The following TAOK1 variants were observed in gnomAD, a reference collection of about 807,000 sequenced individuals.
TAOK1 encodes serine/threonine-protein kinase TAO1.
A neutral mutation model predicts 138.3 loss-of-function variants in TAOK1; 21 were observed. The observed-to-expected ratio is 0.15, with a 90% confidence interval of 0.11 to 0.22. TAOK1 has a LOEUF of 0.22. TAOK1 is among the 10% of genes least tolerant of loss of function. The pLI is 1.00. For missense variants in TAOK1, 651 were observed against 1,227.7 expected, an observed-to-expected ratio of 0.53 and a Z score of 7.02; for synonymous variants, 361 against 398.4, an observed-to-expected ratio of 0.91 and a Z score of 1.12.
At chr17:29,526,050 T>C (rs2032004053) in intron 17 of TAOK1, among the ~76,000 whole-genome samples, 1 of 151,970 alleles carries the variant, frequency 6.6e-6, no homozygotes, top group African/African-American at 2.4e-5. Context: ...TCCCAGTACT[T>C]TGGGAGGCTG....
Position 29,409,365 on chromosome 17 carries a change from C to T in TAOK1, c.-95+18341C>T, listed in dbSNP as rs546434883. ...TTTTTTTTTTTTTGAGATGGAGTCT[C>T]ACTCTGTTGCCCAGGCTGGAGTGCA... On this transcript the variant is annotated intron_variant, in intron 1 of 19. Transcript: ENST00000261716. 4.4e-3 allele frequency among the ~76,000 whole-genome samples: 549 copies of T among 124,794 alleles called. 8 individuals are homozygous for T. Among genetic ancestry groups the T allele is most frequent in the African/African-American group, 0.017 (529 of 31,938 alleles). 81.9% of individuals were successfully genotyped at this position (124,794 alleles called of 152,430 possible). A position where few individuals can be genotyped will look rare whatever the true frequency, so the allele number is the denominator to read the frequency against.
At chr17:29,523,101 C>G (rs997507687) in intron 17 of TAOK1, among the ~76,000 whole-genome samples, 1 of 149,242 alleles carries the variant, frequency 6.7e-6, no homozygotes, top group African/African-American at 2.5e-5. Context: ...AAAATGTACT[C>G]AAATGTCCAA....
chr17:29,441,082 G>A (rs1184908509), intron 1 of TAOK1, among the ~76,000 whole-genome samples: 1 of 152,116 alleles, frequency 6.6e-6, no homozygotes, highest in Non-Finnish European at 1.5e-5. Context: ...GCTGGATTCA[G>A]GTATTTTCGT....
At chr17:29,492,115 G>A (rs557849413) in intron 10 of TAOK1, among the ~76,000 whole-genome samples, 14 of 152,118 alleles carry the variant, frequency 9.2e-5, no homozygotes, top group African/African-American at 3.1e-4. Flanking sequence ...GAACTCCTGG[G>A]CTCAAGTGAT....
chr17:29,419,923 A>G (rs1444446977), intron 1 of TAOK1, among the ~76,000 whole-genome samples: 1 of 152,040 alleles, frequency 6.6e-6, no homozygotes. Context: ...TCTGTTGCCC[A>G]AGCTCGAGTG....
chr17:29,500,338 G>A (rs891745824), intron 12 of TAOK1, among the ~76,000 whole-genome samples: 10 of 151,730 alleles, frequency 6.6e-5, no homozygotes, highest in African/African-American at 1.5e-4. Context: ...ACAAAAAATA[G>A]GAATGCTTCC....
rs546645020 is a variant in TAOK1, at chr17:29,459,392, C to T, written c.132+7712C>T. ...CGCCTGCTGGGTTCAAGTGATTCTC[C>T]TATCTCAGCCTCCCGAGTAGCTGAG... On this transcript the variant is annotated intron_variant, in intron 2 of 19. Coordinates refer to ENST00000261716, the MANE Select transcript of TAOK1 (RefSeq NM_020791.4). 8.7e-4 allele frequency among the ~76,000 whole-genome samples: 133 copies of T among 152,254 alleles called. 1 individual carries two copies. Among genetic ancestry groups the T allele is most frequent in the Admixed American group, 2.3e-3 (35 of 15,290 alleles).
At position 29,458,604 on chromosome 17, in the gene TAOK1, C is replaced by T. The variant is rs536031342; in HGVS notation, c.132+6924C>T. Among the ~76,000 whole-genome samples, 7 of 152,324 alleles carry T rather than the reference C, an allele frequency of 4.6e-5. No individual in the cohort carries two copies. The South Asian group carries it at 1.5e-3, about 32-fold the overall frequency. ...CCTCTGCCTCTGGGTTCAAGTGATACTCGTGTCTCAGCCTCCCCAGTAGCT... is the reference window on the plus strand; with the variant it reads ...CCTCTGCCTCTGGGTTCAAGTGATATTCGTGTCTCAGCCTCCCCAGTAGCT... On this transcript the variant is annotated intron_variant, in intron 2 of 19. Transcript: ENST00000261716.
intron 1 of TAOK1, among the ~76,000 whole-genome samples, chr17:29,426,131 C>A (rs1905632126): frequency 6.6e-6 from 1 of 152,138 alleles, no homozygotes; most frequent in Non-Finnish European, 1.5e-5. Context: ...CCACCTGCCT[C>A]AGCCTCCCAA....
At chr17:29,438,076 G>T (rs1301051010) in intron 1 of TAOK1, among the ~76,000 whole-genome samples, 2 of 152,146 alleles carry the variant, frequency 1.3e-5, no homozygotes, top group African/African-American at 4.8e-5. Context: ...TGGTGGATCA[G>T]CAATGTCTTT....
At chr17:29,526,102 C>T (rs2032005081) in intron 17 of TAOK1, among the ~76,000 whole-genome samples, 1 of 151,492 alleles carries the variant, frequency 6.6e-6, no homozygotes, top group Non-Finnish European at 1.5e-5. Flanking sequence ...ATGGAAAAAC[C>T]CCATCTCTAC....
At chr17:29,531,353 A>G (rs868679362) in intron 18 of TAOK1, among the ~76,000 whole-genome samples, 2 of 151,726 alleles carry the variant, frequency 1.3e-5, no homozygotes, top group Non-Finnish European at 2.9e-5. Context: ...ATCTCAACTC[A>G]CTGCAACCTC....
intron 18 of TAOK1, among the ~76,000 whole-genome samples, chr17:29,532,053 G>C (rs1287246887): frequency 6.6e-6 from 1 of 151,922 alleles, no homozygotes; most frequent in Admixed American, 6.6e-5. Flanking sequence ...GTGGAGACGG[G>C]GTTTCACCGT....
intron 2 of TAOK1, among the ~76,000 whole-genome samples, chr17:29,463,892 A>T (rs879870001): frequency 2.6e-5 from 4 of 152,242 alleles, no homozygotes; most frequent in Non-Finnish European, 5.9e-5. Context: ...AATTTTAAAA[A>T]TAGGCAAAGG....
chr17:29,427,590 C>T (rs1456577750), intron 1 of TAOK1, among the ~76,000 whole-genome samples: 2 of 149,752 alleles, frequency 1.3e-5, no homozygotes, highest in Non-Finnish European at 3.0e-5. Flanking sequence ...AGTGATGTAT[C>T]TGTTAGGGTT....
intron 17 of TAOK1, among the ~76,000 whole-genome samples, chr17:29,523,050 G>A (rs544025385): frequency 8.6e-4 from 127 of 147,662 alleles, no homozygotes; most frequent in Non-Finnish European, 1.7e-3. Context: ...ACTCCAGCCC[G>A]GGTGACAGAG....
At chr17:29,400,595 C>A (rs765361483) in intron 1 of TAOK1, among the ~76,000 whole-genome samples, 1 of 151,952 alleles carries the variant, frequency 6.6e-6, no homozygotes, top group African/African-American at 2.4e-5. Context: ...AAGTGCCTTA[C>A]GTTCCAAAAT....
intron 3 of TAOK1, among the ~76,000 whole-genome samples, chr17:29,472,951 A>G (rs2030860653): frequency 6.6e-6 from 1 of 151,820 alleles, no homozygotes; most frequent in South Asian, 2.1e-4. Flanking sequence ...ATGGTGTATT[A>G]GCAGGAATAA....
chr17:29,490,924 T>A (rs1013787297), intron 9 of TAOK1, among the ~76,000 whole-genome samples: 5 of 152,186 alleles, frequency 3.3e-5, no homozygotes, highest in Admixed American at 6.5e-5. Flanking sequence ...AAGCCCTTTT[T>A]ATAGCAGAAT....
Sources: allele counts gnomAD v4.1 joint callset (sites outside exome capture counted in the v4.1 genomes callset), GRCh38; gene constraint gnomAD v4.1.1; transcripts MANE v1.5; gene names NCBI Gene and HGNC (gene_info 2026-07-23, HGNC 2026-07-21).